Variants in MED13L observed in about 807,000 individuals in gnomAD.
The protein encoded by MED13L is mediator complex subunit 13L, also known as mediator of RNA polymerase II transcription subunit 13-like.
A neutral mutation model predicts 220.9 loss-of-function variants in MED13L; 7 were observed. The observed-to-expected ratio is 0.03, with a 90% CI of 0.02 to 0.06. MED13L has a LOEUF of 0.06. MED13L is among the 10% of genes least tolerant of loss of function. MED13L has a pLI of 1.00. For missense variants in MED13L, 1,965 were observed against 2,760.5 expected, an observed-to-expected ratio of 0.71 and a Z score of 6.46; for synonymous variants, 1,011 against 1,015.2, an observed-to-expected ratio of 1.00 and a Z score of 0.08.
At chr12:116,062,419 T>C (rs559847894) in intron 4 of MED13L, among the ~76,000 whole-genome samples, 5 of 152,016 alleles carry the variant, frequency 3.3e-5, no homozygotes, top group African/African-American at 1.2e-4. Flanking sequence ...CTCCCTCTAT[T>C]GGTTTTCTAT....
At chr12:115,982,808 C>T (rs973031110) in intron 21 of MED13L, among the ~76,000 whole-genome samples, 1 of 152,176 alleles carries the variant, frequency 6.6e-6, no homozygotes, top group African/African-American at 2.4e-5. Context: ...CAATGTACTC[C>T]TCTAAAATGG....
chr12:116,190,709 CT>C (rs1364917336), intron 2 of MED13L, among the ~76,000 whole-genome samples: 1 of 152,084 alleles, frequency 6.6e-6, no homozygotes, highest in Non-Finnish European at 1.5e-5. Context: ...TGTACAAGTA[CT>C]TTTTTAAAAA....
chr12:116,256,788 C>T (rs1872096801), intron 1 of MED13L, among the ~76,000 whole-genome samples: 1 of 145,556 alleles, frequency 6.9e-6, no homozygotes, highest in African/African-American at 2.6e-5. Context: ...CAGGTTCAAG[C>T]GATTCTCCCA....
At chr12:116,108,911 T>C (rs1009214517) in intron 3 of MED13L, among the ~76,000 whole-genome samples, 1 of 152,118 alleles carries the variant, frequency 6.6e-6, no homozygotes, top group Admixed American at 6.5e-5. Context: ...TAGCAAAAGC[T>C]CAAGGTACAT....
In MED13L at chr12:116,165,259, CTTTTTTTTTTTTTTT is replaced by C. The variant is rs34196219; in HGVS notation, c.311-53762_311-53748del. On this transcript the variant is annotated intron_variant, in intron 2 of 30. Coordinates refer to ENST00000281928, the MANE Select transcript of MED13L (RefSeq NM_015335.5). ...TTAAGGCAATGAAGTAGGCACCATC[CTTTTTTTTTTTTTTT>C]TTTTTTTTTTTTTGACTACTAGACA... Among the ~76,000 whole-genome samples the C allele has an allele frequency of 5.4e-5, 4 of 74,492 alleles. No homozygotes were observed. In the South Asian group the frequency reaches 1.8e-3, roughly 34 times the overall value. 48.9% of individuals were successfully genotyped at this position (74,492 alleles called of 152,430 possible).
intron 2 of MED13L, among the ~76,000 whole-genome samples, chr12:116,219,601 C>T (rs993553371): frequency 1.3e-5 from 2 of 152,074 alleles, no homozygotes; most frequent in African/African-American, 4.8e-5. Flanking sequence ...ACCTAACTTT[C>T]GAAGCATTCA....
At position 115,991,037 on chromosome 12, in the gene MED13L, G is replaced by C. The variant is rs4351862; in HGVS notation, c.3917C>G (p.Ser1306Cys). ...ACACCTACCATTGCTGTGAGGCCAA[G>C]AGTGCACAGTGGCACTTCTCACCAG... ...EALVRSATVH[S>C]WPHSNVLDIS... is the part of the protein sequence containing the mutation. The change falls in exon 17 of 31, where the codon TCT (serine) becomes TGT (cysteine). Residue 1306 changes from serine (S) to cysteine (C), a missense_variant. Coordinates refer to ENST00000281928, the MANE Select transcript of MED13L (RefSeq NM_015335.5). This position sits in a 1 kb window ranked among gnomAD's most constrained non-coding sequence, Gnocchi z 7.7. The C allele has an allele frequency of 2.5e-6, 4 of 1,613,900 alleles. No homozygotes were observed. In the African/African-American group the frequency reaches 4.0e-5, roughly 16 times the overall value.
At chr12:116,069,802 T>C (rs1182193019) in intron 4 of MED13L, among the ~76,000 whole-genome samples, 1 of 152,126 alleles carries the variant, frequency 6.6e-6, no homozygotes, top group Non-Finnish European at 1.5e-5. Flanking sequence ...TGCACAAAAA[T>C]CACTAAAAAT....
intron 3 of MED13L, among the ~76,000 whole-genome samples, chr12:116,100,883 C>G (rs1873014247): frequency 6.6e-6 from 1 of 152,132 alleles, no homozygotes; most frequent in Admixed American, 6.6e-5. Flanking sequence ...CCCTGCACCC[C>G]AGCCTGGATG....
chr12:116,037,138 C>T (rs941042504), intron 4 of MED13L, among the ~76,000 whole-genome samples: 6 of 152,074 alleles, frequency 3.9e-5, no homozygotes, highest in Non-Finnish European at 7.4e-5. Flanking sequence ...TACATTATTA[C>T]AATACAAAAG....
intron 26 of MED13L, 54 bp from the exon 27 acceptor site, chr12:115,970,824 G>A: frequency 6.5e-7 from 1 of 1,535,154 alleles, no homozygotes; most frequent in Non-Finnish European, 8.9e-7. Context: ...CAGAAATGAG[G>A]TTTTCAGAGG....
At chr12:116,213,065 C>T (rs1210845803) in intron 2 of MED13L, among the ~76,000 whole-genome samples, 1 of 152,182 alleles carries the variant, frequency 6.6e-6, no homozygotes, top group African/African-American at 2.4e-5. Flanking sequence ...AGAAAAGCCA[C>T]TTATAAACGA....
intron 2 of MED13L, among the ~76,000 whole-genome samples, chr12:116,165,609 C>A (rs141388165): frequency 1.3e-5 from 2 of 152,068 alleles, no homozygotes; most frequent in African/African-American, 2.4e-5. Flanking sequence ...GGAGTACAGG[C>A]GTGAGCCACC....
At chr12:116,183,803 G>GGTGT (rs66691805) in intron 2 of MED13L, among the ~76,000 whole-genome samples, 9,478 of 110,020 alleles carry the variant, frequency 0.086, 363 homozygotes, top group Middle Eastern at 0.14. Context: ...TAGAAAAAAT[G>GGTGT]GTGTGTGTGT....
intron 2 of MED13L, among the ~76,000 whole-genome samples, chr12:116,195,333 TG>T: frequency 6.6e-6 from 1 of 151,800 alleles, no homozygotes. Flanking sequence ...CTGTGGGGAG[TG>T]GGGGGACTTC....
At chr12:115,984,509 A>G in intron 19 of MED13L, 137 bp from the exon 20 acceptor site, 5 of 907,496 alleles carry the variant, frequency 5.5e-6, no homozygotes, top group Non-Finnish European at 8.4e-6. Flanking sequence ...ATGCAATCAA[A>G]CCAACATTAC....
At chr12:116,073,385 G>T (rs1870540225) in intron 4 of MED13L, among the ~76,000 whole-genome samples, 2 of 152,110 alleles carry the variant, frequency 1.3e-5, no homozygotes, top group Admixed American at 6.5e-5. Flanking sequence ...AAACAAGAAT[G>T]AAACTACACT....
intron 14 of MED13L, among the ~76,000 whole-genome samples, chr12:115,999,115 G>A (rs1333470581): frequency 6.6e-6 from 1 of 152,110 alleles, no homozygotes; most frequent in East Asian, 1.9e-4. Flanking sequence ...TTAATATAAA[G>A]TTAGTCTACA....
intron 4 of MED13L, among the ~76,000 whole-genome samples, chr12:116,047,280 A>G (rs1199423180): frequency 1.3e-5 from 2 of 152,140 alleles, no homozygotes; most frequent in African/African-American, 4.8e-5. Flanking sequence ...CTTGAATCCA[A>G]AAGGTCAAGG....
Sources: allele counts gnomAD v4.1 joint callset (sites outside exome capture counted in the v4.1 genomes callset), GRCh38; gene constraint gnomAD v4.1.1; non-coding constraint Gnocchi (gnomAD v3.1); transcripts MANE v1.5; gene names NCBI Gene and HGNC (gene_info 2026-07-23, HGNC 2026-07-21).